HIVEP2: variants seen among roughly 807,000 people sequenced by gnomAD.
The protein encoded by HIVEP2 is transcription factor HIVEP2.
HIVEP2 carries 14 observed loss-of-function variants against 180.7 expected under a neutral mutation model. That is an observed-to-expected ratio of 0.08 (90% CI 0.05 to 0.12). The LOEUF (loss-of-function observed/expected upper bound fraction) is 0.12, where lower values mean the gene tolerates loss of function less well. Ranked by LOEUF, HIVEP2 falls within the 10% of genes least tolerant of loss-of-function variation. HIVEP2 has a pLI of 1.00. For synonymous variants in HIVEP2, 1,184 were observed against 1,136.4 expected (o/e 1.04, Z -0.84); for missense variants, 2,579 against 3,008.5 (o/e 0.86, Z 3.34).
Position 142,753,522 on chromosome 6 carries a change from C to A in HIVEP2, c.6926G>T (p.Ser2309Ile). The A allele has an allele frequency of 1.2e-6, 2 of 1,614,192 alleles. No individual in the cohort carries two copies. ...PSSPRLLMKQSTSEDSLNATE... is the reference protein window; with the variant it reads ...PSSPRLLMKQITSEDSLNATE... Reference sequence around the variant, plus strand: ...TGCGTTTAGGCTGTCTTCCGAAGTGCTCTGTTTCATCAACAGCCGAGGAGA... The same window carrying A: ...TGCGTTTAGGCTGTCTTCCGAAGTGATCTGTTTCATCAACAGCCGAGGAGA... Residue 2309 changes from serine (S) to isoleucine (I), a missense_variant, in exon 10 of 10, where the codon AGC becomes ATC. Ser to Ile is a moderately radical substitution (Grantham distance 142). This residue lies in a region of HIVEP2 where 660 missense variants were observed against 731.7 expected (regional missense o/e 0.90). Transcript: ENST00000367603.
intron 1 of HIVEP2, among the ~76,000 whole-genome samples, chr6:142,882,630 G>C (rs1776600998): frequency 6.6e-6 from 1 of 151,220 alleles, no homozygotes; most frequent in African/African-American, 2.4e-5. Flanking sequence ...ACAGAAAGGG[G>C]GGGAGGGGAG....
intron 1 of HIVEP2, among the ~76,000 whole-genome samples, chr6:142,908,192 T>C (rs557665117): frequency 6.6e-6 from 1 of 152,326 alleles, no homozygotes; most frequent in South Asian, 2.1e-4. Context: ...TCATACTCTA[T>C]TTGAATGGTG....
chr6:142,882,606 T>G (rs1776599903), intron 1 of HIVEP2, among the ~76,000 whole-genome samples: 1 of 138,108 alleles, frequency 7.2e-6, no homozygotes, highest in Non-Finnish European at 1.6e-5. Context: ...AAAGCAAGAC[T>G]CTGTCTATAA....
chr6:142,833,233 A>G (rs1202635704), intron 2 of HIVEP2, among the ~76,000 whole-genome samples: 1 of 152,236 alleles, frequency 6.6e-6, no homozygotes, highest in Non-Finnish European at 1.5e-5. Flanking sequence ...AGTGTGAGTA[A>G]TAACTACATA....
chr6:142,818,593 C>T (rs1404529398), intron 2 of HIVEP2, among the ~76,000 whole-genome samples: 1 of 149,534 alleles, frequency 6.7e-6, no homozygotes, highest in Non-Finnish European at 1.5e-5. Flanking sequence ...CTCTTGAACC[C>T]AGGAGGTGGA....
At position 142,812,527 on chromosome 6, in the gene HIVEP2, G is replaced by A. The variant is rs190451122; in HGVS notation, c.-528+24408C>T. 5.3e-5 allele frequency among the ~76,000 whole-genome samples: 8 copies of A among 152,210 alleles called. No individual in the cohort carries two copies. The South Asian group carries it at 1.2e-3, about 24-fold the overall frequency. ...ATACCATGCCCCATAACAAACCTCC[G>A]TAAAATTTTTAGGAATTCAGAAGTT... is the stretch of plus-strand genomic sequence containing the variant. On this transcript the variant is annotated intron_variant, in intron 2 of 9. Coordinates refer to ENST00000367603, the MANE Select transcript of HIVEP2 (RefSeq NM_006734.4).
Position 142,771,889 on chromosome 6 carries a change from G to A in HIVEP2, c.2850C>T (p.Ser950=), listed in dbSNP as rs764299307. 1 of 1,614,234 alleles carries A rather than the reference G, an allele frequency of 6.2e-7. No homozygotes were observed. Among genetic ancestry groups the A allele is most frequent in the Admixed American group, 1.7e-5 (1 of 60,030 alleles). The part of the protein sequence containing the change: ...KRLRLADMEH[S]SGESSFESTG... ...TGGATTCAAAGCTGGACTCCCCTGAGGAGTGCTCCATATCTGCAAGTCGCA... is the reference window on the plus strand; with the variant it reads ...TGGATTCAAAGCTGGACTCCCCTGAAGAGTGCTCCATATCTGCAAGTCGCA... The change falls in exon 5 of 10, where the codon TCC becomes TCT. Residue 950 remains serine, a synonymous_variant. Transcript: ENST00000367603. This position sits in a 1 kb window ranked among gnomAD's most constrained non-coding sequence, Gnocchi z 5.4.
chr6:142,882,886 GC>G (rs1249380526), intron 1 of HIVEP2, among the ~76,000 whole-genome samples: 14 of 152,126 alleles, frequency 9.2e-5, no homozygotes, highest in African/African-American at 3.4e-4. Flanking sequence ...ACAATAGGAA[GC>G]TTAGTGAAAG....
chr6:142,828,014 A>G (rs774855842), intron 2 of HIVEP2, among the ~76,000 whole-genome samples: 12 of 152,142 alleles, frequency 7.9e-5, no homozygotes, highest in Non-Finnish European at 1.6e-4. Context: ...CTATATTTCT[A>G]TACTGAAACC....
At chr6:142,818,643 T>A (rs1776911402) in intron 2 of HIVEP2, among the ~76,000 whole-genome samples, 1 of 137,090 alleles carries the variant, frequency 7.3e-6, no homozygotes. Context: ...CATTCTAGCC[T>A]GGGGGACAGA....
intron 2 of HIVEP2, among the ~76,000 whole-genome samples, chr6:142,833,914 A>C (rs1157478190): frequency 2.0e-5 from 3 of 152,180 alleles, no homozygotes; most frequent in Non-Finnish European, 4.4e-5. Context: ...CTCAAAATAC[A>C]AGGAACCAAA....
At chr6:142,884,169 C>A (rs1470481300) in intron 1 of HIVEP2, among the ~76,000 whole-genome samples, 2 of 152,096 alleles carry the variant, frequency 1.3e-5, no homozygotes, top group Non-Finnish European at 2.9e-5. Context: ...TTATCCTACA[C>A]ACAATATCTG....
chr6:142,837,620 T>C (rs1000326157), intron 1 of HIVEP2, among the ~76,000 whole-genome samples: 10 of 152,130 alleles, frequency 6.6e-5, no homozygotes, highest in African/African-American at 1.4e-4. Context: ...AGAAAGTGTT[T>C]ACTCTCCTAA....
At chr6:142,883,504 C>G (rs558250580) in intron 1 of HIVEP2, among the ~76,000 whole-genome samples, 1 of 152,084 alleles carries the variant, frequency 6.6e-6, no homozygotes, top group African/African-American at 2.4e-5. Flanking sequence ...AATACATAAC[C>G]CTCCTACATG....
chr6:142,916,237 T>C (rs140914004), intron 1 of HIVEP2, among the ~76,000 whole-genome samples: 106 of 152,326 alleles, frequency 7.0e-4, no homozygotes, highest in South Asian at 6.4e-3. Context: ...ACCCTCCAAT[T>C]TGTTCACCAT....
At chr6:142,905,194 C>G (rs1003992060) in intron 1 of HIVEP2, among the ~76,000 whole-genome samples, 1 of 152,178 alleles carries the variant, frequency 6.6e-6, no homozygotes, top group Non-Finnish European at 1.5e-5. Context: ...AAGAAAGATA[C>G]TGCTCAACCA....
chr6:142,774,644 G>A lies in HIVEP2; in HGVS notation c.95C>T (p.Ala32Val), dbSNP rs752017741. Residue 32 changes from alanine (A) to valine (V), a missense_variant, in exon 5 of 10, where the codon GCT becomes GTT. Transcript: ENST00000367603. The surrounding 1 kb of genome is among the most constrained non-coding windows in gnomAD (Gnocchi z 5.1). ...GCCAAAAGTGCTCATCTTAATAACA[G>A]CTGATTGTTCCTGTCTCCATCTACC... ...ASGRWRQEQS[A>V]VIKMSTFGSH... 2.5e-6 allele frequency: 4 copies of A among 1,614,186 alleles called. No individual in the cohort carries two copies. Among genetic ancestry groups the A allele is most frequent in the Non-Finnish European group, 2.5e-6 (3 of 1,180,032 alleles).
chr6:142,836,053 G>A (rs1212119450), intron 2 of HIVEP2, among the ~76,000 whole-genome samples: 1 of 152,018 alleles, frequency 6.6e-6, no homozygotes, highest in Non-Finnish European at 1.5e-5. Flanking sequence ...TTTATTTGGA[G>A]GAAAATTAAG....
In HIVEP2 at chr6:142,853,204, AT is replaced by A. The variant is rs1012995107; in HGVS notation, c.-640-16158del. On this transcript the variant is annotated intron_variant, in intron 1 of 9. Coordinates refer to ENST00000367603, the MANE Select transcript of HIVEP2 (RefSeq NM_006734.4). ...AATCCAAGGAAATTACCAGATATCT[AT>A]TTTTTTTTCCACATCAGAGAAGCAA... Among the ~76,000 whole-genome samples, 18 of 151,426 alleles carry A rather than the reference AT, an allele frequency of 1.2e-4. 1 individual carries two copies. The South Asian group carries it at 1.5e-3, about 12-fold the overall frequency.
Sources: gnomAD v4.1 joint callset for allele counts (sites outside exome capture counted in the v4.1 genomes callset) on GRCh38, gnomAD v4.1.1 for gene constraint, gnomAD v4.1.1 regional missense constraint, Gnocchi (gnomAD v3.1) non-coding constraint, MANE v1.5 for transcripts, NCBI Gene and HGNC (gene_info 2026-07-23, HGNC 2026-07-21) for gene names.